GRM7: variants seen among roughly 807,000 people sequenced by gnomAD.
GRM7 encodes metabotropic glutamate receptor 7.
Under a neutral mutation model 84.5 loss-of-function variants are expected in GRM7, and 35 were observed. That is an observed-to-expected ratio of 0.41 (90% CI 0.32 to 0.55). The LOEUF is 0.55. Among genes scored for constraint, GRM7 ranks in the 20% least tolerant of loss-of-function variants. The pLI, the probability that GRM7 is intolerant of heterozygous loss-of-function variation, is 0.19. For synonymous variants in GRM7, 487 were observed against 455.1 expected, an observed-to-expected ratio of 1.07 and a Z score of -0.89; for missense variants, 1,003 against 1,194.6, an observed-to-expected ratio of 0.84 and a Z score of 2.36.
chr3:7,638,454 A>T (rs1023943850), intron 8 of GRM7, among the ~76,000 whole-genome samples: 8 of 152,194 alleles, frequency 5.3e-5, no homozygotes, highest in African/African-American at 1.9e-4. Context: ...ATTGCTCTAG[A>T]TCCAGTTTGA....
At chr3:7,497,641 G>T (rs1699752273) in intron 7 of GRM7, among the ~76,000 whole-genome samples, 1 of 152,120 alleles carries the variant, frequency 6.6e-6, no homozygotes, top group African/African-American at 2.4e-5. Context: ...GGAGAGTTGG[G>T]TGTCTGGCAT....
intron 6 of GRM7, among the ~76,000 whole-genome samples, chr3:7,456,229 G>A (rs1698003152): frequency 6.6e-6 from 1 of 151,966 alleles, no homozygotes; most frequent in Non-Finnish European, 1.5e-5. Flanking sequence ...TTTGTTAGGT[G>A]AGTTTTCTTG....
intron 9 of GRM7, among the ~76,000 whole-genome samples, chr3:7,716,736 G>C (rs1226583895): frequency 6.6e-6 from 1 of 152,152 alleles, no homozygotes; most frequent in Non-Finnish European, 1.5e-5. Flanking sequence ...TGACATTTGG[G>C]CTGTATTTAC....
intron 2 of GRM7, among the ~76,000 whole-genome samples, chr3:7,269,710 G>A (rs1698783146): frequency 1.3e-5 from 2 of 152,006 alleles, no homozygotes; most frequent in South Asian, 4.1e-4. Flanking sequence ...TTTTCTGCTG[G>A]GTAAGGAAGA....
intron 1 of GRM7, among the ~76,000 whole-genome samples, chr3:7,042,844 G>T (rs186672582): frequency 2.6e-5 from 4 of 152,072 alleles, no homozygotes; most frequent in South Asian, 2.1e-4. Context: ...GATAATTTTT[G>T]ATTGTTGAGC....
chr3:7,664,971 T>G (rs1699622770), intron 8 of GRM7, among the ~76,000 whole-genome samples: 1 of 152,162 alleles, frequency 6.6e-6, no homozygotes, highest in Non-Finnish European at 1.5e-5. Context: ...ATATTTAATT[T>G]GTATATTATT....
chr3:7,686,256 C>T (rs1700579818), intron 9 of GRM7: 1 of 611,062 alleles, frequency 1.6e-6, no homozygotes, highest in Admixed American at 2.5e-5. Flanking sequence ...TGTGTATGGT[C>T]TCTATCGCAG....
intron 2 of GRM7, among the ~76,000 whole-genome samples, chr3:7,213,059 C>A (rs917395062): frequency 2.0e-5 from 3 of 152,168 alleles, no homozygotes; most frequent in African/African-American, 7.2e-5. Flanking sequence ...TGATTCTGTT[C>A]TATTTTTATG....
intron 4 of GRM7, among the ~76,000 whole-genome samples, chr3:7,354,466 A>T (rs1016019540): frequency 7.9e-5 from 12 of 152,102 alleles, no homozygotes; most frequent in Non-Finnish European, 1.8e-4. Context: ...CACATTGGTC[A>T]CCTAACAGTG....
chr3:7,312,895 A>C (rs1047865234), intron 4 of GRM7, among the ~76,000 whole-genome samples: 10 of 151,428 alleles, frequency 6.6e-5, no homozygotes, highest in African/African-American at 2.2e-4. Flanking sequence ...CCCTTCTCAC[A>C]TGAGAAACTC....
chr3:7,414,035 G>C (rs1308476226), intron 4 of GRM7, among the ~76,000 whole-genome samples: 1 of 152,060 alleles, frequency 6.6e-6, no homozygotes, highest in Non-Finnish European at 1.5e-5. Flanking sequence ...TTTAACTTTA[G>C]AGTATGGATC....
intron 9 of GRM7, among the ~76,000 whole-genome samples, chr3:7,698,181 T>C (rs1701091277): frequency 1.3e-5 from 2 of 152,108 alleles, no homozygotes; most frequent in African/African-American, 4.8e-5. Flanking sequence ...AAGGGGGCCA[T>C]TTGCAAGGGG....
At chr3:7,432,344 C>A (rs773639088) in intron 5 of GRM7, among the ~76,000 whole-genome samples, 4 of 151,970 alleles carry the variant, frequency 2.6e-5, no homozygotes, top group African/African-American at 9.7e-5. Flanking sequence ...TTTTGGAAAC[C>A]GATTCTTGCT....
intron 8 of GRM7, among the ~76,000 whole-genome samples, chr3:7,599,020 A>T (rs1409361024): frequency 6.6e-6 from 1 of 152,186 alleles, no homozygotes; most frequent in Non-Finnish European, 1.5e-5. Context: ...TTCTACTCAG[A>T]TATTTCAACT....
intron 8 of GRM7, among the ~76,000 whole-genome samples, chr3:7,643,451 A>G (rs763337120): frequency 6.6e-6 from 1 of 152,224 alleles, no homozygotes; most frequent in Non-Finnish European, 1.5e-5. Context: ...CCAGGCCTTG[A>G]GAATTTTAAA....
intron 1 of GRM7, among the ~76,000 whole-genome samples, chr3:6,894,540 C>A (rs1574982113): frequency 6.6e-6 from 1 of 151,982 alleles, no homozygotes; most frequent in East Asian, 1.9e-4. Flanking sequence ...GTAATATATA[C>A]ATACATCTCT....
chr3:7,672,152 A>G (rs73810882), intron 8 of GRM7, among the ~76,000 whole-genome samples: 2,878 of 152,050 alleles, frequency 0.019, 89 homozygotes, highest in African/African-American at 0.063. Flanking sequence ...ATTATTTCAT[A>G]CTTTAGCAAA....
At chr3:7,589,857 C>T (rs938938648) in intron 8 of GRM7, among the ~76,000 whole-genome samples, 4 of 152,172 alleles carry the variant, frequency 2.6e-5, no homozygotes, top group Admixed American at 2.0e-4. Flanking sequence ...AATTGTCTCT[C>T]TAATGTGCCT....
intron 1 of GRM7, among the ~76,000 whole-genome samples, chr3:7,067,191 A>G (rs1697697362): frequency 6.6e-6 from 1 of 152,008 alleles, no homozygotes; most frequent in Admixed American, 6.6e-5. Context: ...CAAGAGAAAG[A>G]AATAAAGGGT....
Sources: allele counts gnomAD v4.1 joint callset (sites outside exome capture counted in the v4.1 genomes callset), GRCh38; gene constraint gnomAD v4.1.1; transcripts MANE v1.5; gene names NCBI Gene and HGNC (gene_info 2026-07-23, HGNC 2026-07-21).